TIAM1: variants seen among roughly 807,000 people sequenced by gnomAD.
The protein encoded by TIAM1 is TIAM Rac1 associated GEF 1.
A neutral mutation model predicts 163.5 loss-of-function variants in TIAM1; 65 were observed. That is an observed-to-expected ratio of 0.40 (90% CI 0.33 to 0.49). The LOEUF is 0.49. TIAM1 is among the 20% of genes least tolerant of loss of function. The pLI, the probability that TIAM1 is intolerant of heterozygous loss-of-function variation, is 0.77. For missense variants in TIAM1, 1,789 were observed against 2,044.7 expected, an observed-to-expected ratio of 0.87 and a Z score of 2.41; for synonymous variants, 833 against 810.1, an observed-to-expected ratio of 1.03 and a Z score of -0.48.
At chr21:31,379,129 A>G (rs71321384) in intron 2 of TIAM1, among the ~76,000 whole-genome samples, 7,553 of 151,874 alleles carry the variant, frequency 0.05, 439 homozygotes, top group African/African-American at 0.14. Context: ...CCGCCACCAC[A>G]CCCGGCTAAT....
At chr21:31,422,112 A>G (rs1197708540) in intron 2 of TIAM1, among the ~76,000 whole-genome samples, 2 of 152,174 alleles carry the variant, frequency 1.3e-5, no homozygotes, top group Non-Finnish European at 2.9e-5. Context: ...GAGAACTGCG[A>G]GAGAATATAT....
chr21:31,418,387 T>C (rs1052187680), intron 2 of TIAM1, among the ~76,000 whole-genome samples: 1 of 148,600 alleles, frequency 6.7e-6, no homozygotes. Flanking sequence ...CTGGCTACTG[T>C]TTAGACACAG....
intron 2 of TIAM1, among the ~76,000 whole-genome samples, chr21:31,323,573 G>C (rs2075386568): frequency 2.0e-5 from 3 of 152,080 alleles, no homozygotes; most frequent in Admixed American, 2.0e-4. Context: ...GCTCATGCCT[G>C]TAACCCCAGC....
chr21:31,551,693 T>C (rs1397241561), intron 1 of TIAM1, among the ~76,000 whole-genome samples: 1 of 152,010 alleles, frequency 6.6e-6, no homozygotes, highest in Non-Finnish European at 1.5e-5. Context: ...CAGTGAGCCG[T>C]GACTGCACTA....
Position 31,267,516 on chromosome 21 carries a change from A to ATTT in TIAM1, c.-11-536_-11-534dup, listed in dbSNP as rs34794925. Among the ~76,000 whole-genome samples, 229 of 137,976 alleles carry ATTT rather than the reference A, an allele frequency of 1.7e-3. 2 individuals are homozygous for ATTT. Among genetic ancestry groups the ATTT allele is most frequent in the African/African-American group, 5.7e-3 (210 of 37,098 alleles). 90.5% of individuals were successfully genotyped at this position (137,976 alleles called of 152,430 possible). ...GACAATGGGTACGTTTCGTTTTTTCATTTTTTTTTTTTTTTTGGCTCTATT... is the reference window on the plus strand; with the variant it reads ...GACAATGGGTACGTTTCGTTTTTTCATTTTTTTTTTTTTTTTTTTGGCTCTATT... On this transcript the variant is annotated intron_variant, in intron 3 of 27. Coordinates refer to ENST00000541036, the MANE Select transcript of TIAM1 (RefSeq NM_001353694.2).
Position 31,266,899 on chromosome 21 carries a change from T to A in TIAM1, c.74A>T (p.His25Leu), listed in dbSNP as rs778626298. 6.2e-7 allele frequency: 1 copy of A among 1,613,526 alleles called. No individual in the cohort carries two copies. The highest frequency in any genetic ancestry group is 8.5e-7 in the Non-Finnish European group (1 of 1,179,574). Residue 25 changes from histidine to leucine, a missense_variant, in exon 4 of 28, where the codon CAC (histidine) becomes CTC (leucine). By Grantham distance (99) the His-to-Leu change is moderately conservative. Around this residue, in one of 5 missense-constraint regions of TIAM1, gnomAD observed 555 missense variants for 564.9 expected, o/e 0.98. Transcript: ENST00000541036. ...GEKHASLGRK[H>L]TSRSLRLSHK... is the part of the protein sequence containing the mutation. ...CGAGAGGCGCAGGGAGCGGGAAGTG[T>A]GCTTGCGCCCCAGGCTGGCATGCTT... is the stretch of plus-strand genomic sequence containing the variant.
intron 6 of TIAM1, among the ~76,000 whole-genome samples, chr21:31,233,609 G>A (rs2088563129): frequency 6.6e-6 from 1 of 152,200 alleles, no homozygotes; most frequent in African/African-American, 2.4e-5. Context: ...GGAGGCTGAG[G>A]CAGGAGAATT....
chr21:31,424,930 G>A (rs886406716), intron 2 of TIAM1, among the ~76,000 whole-genome samples: 3 of 151,948 alleles, frequency 2.0e-5, no homozygotes, highest in Non-Finnish European at 4.4e-5. Flanking sequence ...GTGCAGGCCT[G>A]TAATCCCAGC....
At chr21:31,219,657 T>A (rs145580505) in intron 8 of TIAM1, among the ~76,000 whole-genome samples, 1 of 152,170 alleles carries the variant, frequency 6.6e-6, no homozygotes, top group African/African-American at 2.4e-5. Flanking sequence ...GGGAAGGTTT[T>A]TGGACCCAAA....
At position 31,272,438 on chromosome 21, in the gene TIAM1, G is replaced by A. The variant is rs141259401; in HGVS notation, c.-12+4294C>T. 8.6e-5 allele frequency among the ~76,000 whole-genome samples: 13 copies of A among 150,948 alleles called. No homozygotes were observed. The East Asian group carries it at 2.5e-3, about 29-fold the overall frequency. On this transcript the variant is annotated intron_variant, in intron 3 of 27. Coordinates refer to ENST00000541036, the MANE Select transcript of TIAM1 (RefSeq NM_001353694.2). ...ATATCAGGTAGGTGGTCATTTCTCA[G>A]GGGCTGCTTTTATAGATTTATTAGG...
intron 1 of TIAM1, among the ~76,000 whole-genome samples, chr21:31,508,723 G>A (rs1159119407): frequency 6.6e-6 from 1 of 152,066 alleles, no homozygotes; most frequent in African/African-American, 2.4e-5. Flanking sequence ...TTTCGATCCT[G>A]GCCTGTGGAC....
rs1343037640 is a variant in TIAM1 at position 31,301,406 on chromosome 21, C to T, written c.-188-24498G>A. On this transcript the variant is annotated intron_variant, in intron 2 of 27. Coordinates refer to ENST00000541036, the MANE Select transcript of TIAM1 (RefSeq NM_001353694.2). ...CACAGATGAGGGTATTAAAACAAGA[C>T]ACCATTGGGATTCTACAGCACAAAA... Among the ~76,000 whole-genome samples the T allele has an allele frequency of 1.3e-5, 2 of 152,190 alleles. 1 individual carries two copies. Among genetic ancestry groups the T allele is most frequent in the African/African-American group, 4.8e-5 (2 of 41,442 alleles).
At chr21:31,308,758 A>T (rs1395497789) in intron 2 of TIAM1, among the ~76,000 whole-genome samples, 1 of 152,188 alleles carries the variant, frequency 6.6e-6, no homozygotes, top group African/African-American at 2.4e-5. Flanking sequence ...GCCAGCTGCC[A>T]GAGGCCAACA....
At chr21:31,297,060 C>T (rs969441004) in intron 2 of TIAM1, among the ~76,000 whole-genome samples, 7 of 152,118 alleles carry the variant, frequency 4.6e-5, no homozygotes, top group Admixed American at 2.0e-4. Context: ...TCTAGAGGAA[C>T]GTTCTAGGGA....
At chr21:31,310,400 T>C (rs576099463) in intron 2 of TIAM1, among the ~76,000 whole-genome samples, 2 of 152,226 alleles carry the variant, frequency 1.3e-5, no homozygotes, top group South Asian at 4.1e-4. Context: ...GCCTGTGACA[T>C]AGGCAGTAAG....
chr21:31,154,089 A>T (rs2083500458), intron 17 of TIAM1, among the ~76,000 whole-genome samples, 158 bp downstream of exon 17: 1 of 151,806 alleles, frequency 6.6e-6, no homozygotes, highest in African/African-American at 2.4e-5. Context: ...AACTCAAAAC[A>T]AGCTTTTAAC....
At chr21:31,225,628 C>T (rs1357016795) in intron 7 of TIAM1, 98 bp downstream of exon 7, 3 of 947,150 alleles carry the variant, frequency 3.2e-6, no homozygotes, top group African/African-American at 1.7e-5. Context: ...GAGGAGATAT[C>T]CGATGATGTT....
intron 2 of TIAM1, among the ~76,000 whole-genome samples, chr21:31,298,767 T>A (rs1300625902): frequency 2.8e-4 from 35 of 125,952 alleles, no homozygotes; most frequent in African/African-American, 1.0e-3. Flanking sequence ...TGTGTGTGTG[T>A]GAGAAACAGA....
chr21:31,190,604 G>T (rs1364707426), intron 13 of TIAM1, among the ~76,000 whole-genome samples: 1 of 152,136 alleles, frequency 6.6e-6, no homozygotes, highest in Admixed American at 6.5e-5. Flanking sequence ...AGTACTAGAA[G>T]TACCCAGAGA....
Sources: allele counts gnomAD v4.1 joint callset (sites outside exome capture counted in the v4.1 genomes callset), GRCh38; gene constraint gnomAD v4.1.1; regional missense constraint gnomAD v4.1.1; transcripts MANE v1.5; gene names NCBI Gene and HGNC (gene_info 2026-07-23, HGNC 2026-07-21).